Variants in LYPD6B observed in about 807,000 individuals in gnomAD.
LYPD6B encodes LY6/PLAUR domain containing 6B.
Under a neutral mutation model 22.8 loss-of-function variants are expected in LYPD6B, and 17 were observed. The observed-to-expected ratio is 0.75, with a 90% CI of 0.51 to 1.12. The LOEUF is 1.12. Among genes scored for constraint, LYPD6B ranks in the 50% most tolerant of loss-of-function variants. The pLI is 0.00. For synonymous variants in LYPD6B, 106 were observed against 91.6 expected, an observed-to-expected ratio of 1.16 and a Z score of -0.90; for missense variants, 221 against 258.3, an observed-to-expected ratio of 0.86 and a Z score of 0.99.
At chr2:149,187,380 T>C in intron 3 of LYPD6B, 4 of 1,463,964 alleles carry the variant, frequency 2.7e-6, no homozygotes, top group Non-Finnish European at 3.6e-6. Context: ...TGCTCTGCCA[T>C]GGTCCCATGA....
chr2:149,060,220 C>G (rs974376070), intron 1 of LYPD6B, among the ~76,000 whole-genome samples: 2 of 152,178 alleles, frequency 1.3e-5, no homozygotes, highest in Non-Finnish European at 2.9e-5. Flanking sequence ...TTACAAGCAA[C>G]AGCTCCAGGT....
At chr2:149,148,224 A>G (rs951952093) in intron 2 of LYPD6B, among the ~76,000 whole-genome samples, 3 of 152,210 alleles carry the variant, frequency 2.0e-5, no homozygotes, top group Non-Finnish European at 2.9e-5. Flanking sequence ...CTTTTAGGTG[A>G]ACCCTTGCTT....
At chr2:149,203,611 A>C (rs1693313097) in intron 3 of LYPD6B, among the ~76,000 whole-genome samples, 2 of 152,228 alleles carry the variant, frequency 1.3e-5, no homozygotes, top group Admixed American at 6.5e-5. Flanking sequence ...ACCAGGAAAG[A>C]ATTATATATA....
intron 1 of LYPD6B, among the ~76,000 whole-genome samples, chr2:149,053,752 C>G (rs1349176326): frequency 6.6e-6 from 1 of 152,202 alleles, no homozygotes; most frequent in Admixed American, 6.5e-5. Flanking sequence ...CACCTCCCCC[C>G]ATTCCCTGGC....
chr2:149,178,959 A>ACTACCGTCG (rs1691516049), intron 3 of LYPD6B, among the ~76,000 whole-genome samples: 1 of 152,240 alleles, frequency 6.6e-6, no homozygotes, highest in Non-Finnish European at 1.5e-5. Context: ...ATTTCTGTCT[A>ACTACCGTCG]CTACCGTCGT....
At chr2:149,180,712 C>T (rs1378656572) in intron 3 of LYPD6B, among the ~76,000 whole-genome samples, 2 of 152,192 alleles carry the variant, frequency 1.3e-5, no homozygotes, top group Non-Finnish European at 2.9e-5. Context: ...GAGCTGTGTC[C>T]TGATCCTTGA....
At chr2:149,046,819 C>T in intron 1 of LYPD6B, among the ~76,000 whole-genome samples, 1 of 152,054 alleles carries the variant, frequency 6.6e-6, no homozygotes, top group Non-Finnish European at 1.5e-5. Context: ...TTGTTATTAT[C>T]ATTTTTTAAT....
intron 3 of LYPD6B, among the ~76,000 whole-genome samples, chr2:149,180,218 A>G (rs1162495989): frequency 2.0e-5 from 3 of 152,202 alleles, no homozygotes; most frequent in African/African-American, 7.2e-5. Flanking sequence ...TCGAATACAA[A>G]AAGACAGATT....
Position 149,160,815 on chromosome 2 carries a change from A to G in LYPD6B, c.57A>G (p.Thr19=). 6.4e-7 allele frequency: 1 copy of G among 1,554,902 alleles called. No homozygotes were observed. Among genetic ancestry groups the G allele is most frequent in the Non-Finnish European group, 8.7e-7 (1 of 1,148,070 alleles). Reference sequence around the variant, plus strand: ...TCACTGTTCCAGAGAGGAGCCTGACAACCACATTCTCCTTCTCAAGGTAAG... The same window carrying G: ...TCACTGTTCCAGAGAGGAGCCTGACGACCACATTCTCCTTCTCAAGGTAAG... The part of the protein sequence containing the change: ...NLFTVPERSL[T]TTFSFSRYKS... Residue 19 remains threonine, a synonymous_variant, in exon 3 of 7, where the codon ACA becomes ACG. Coordinates refer to ENST00000409642, the MANE Select transcript of LYPD6B (RefSeq NM_177964.5).
intron 3 of LYPD6B, among the ~76,000 whole-genome samples, chr2:149,192,730 G>A (rs936566396): frequency 6.6e-6 from 1 of 152,134 alleles, no homozygotes; most frequent in African/African-American, 2.4e-5. Context: ...TATAGTGAAT[G>A]TGCTAATTTG....
intron 1 of LYPD6B, among the ~76,000 whole-genome samples, chr2:149,087,295 C>T (rs1685445654): frequency 6.6e-6 from 1 of 152,124 alleles, no homozygotes; most frequent in Non-Finnish European, 1.5e-5. Flanking sequence ...GTTAAGGAGT[C>T]ATCTATAATA....
At chr2:149,204,575 C>A (rs1249062288) in intron 3 of LYPD6B, 1 of 154,354 alleles carries the variant, frequency 6.5e-6, no homozygotes, top group Admixed American at 6.5e-5. Context: ...TGGTTGTCAG[C>A]TTTTCAGACA....
At chr2:149,058,706 A>G (rs1463940926) in intron 1 of LYPD6B, among the ~76,000 whole-genome samples, 3 of 151,764 alleles carry the variant, frequency 2.0e-5, no homozygotes, top group Non-Finnish European at 2.9e-5. Context: ...TACAACCTCC[A>G]CCTCCCAGGT....
chr2:149,183,283 T>A (rs144644875), intron 3 of LYPD6B, among the ~76,000 whole-genome samples: 2 of 152,242 alleles, frequency 1.3e-5, no homozygotes, highest in Admixed American at 6.5e-5. Context: ...AGTAGGAGAT[T>A]GCCCAATTCC....
At chr2:149,132,572 C>T (rs1227645386) in intron 2 of LYPD6B, among the ~76,000 whole-genome samples, 7 of 151,940 alleles carry the variant, frequency 4.6e-5, no homozygotes, top group South Asian at 2.1e-4. Flanking sequence ...AGCTACACAC[C>T]GAGAAGGAGA....
At position 149,042,649 on chromosome 2, in the gene LYPD6B, GA is replaced by G. The variant is rs1325486957; in HGVS notation, c.-67+3849del. On this transcript the variant is annotated intron_variant, in intron 1 of 6. Coordinates refer to ENST00000409642, the MANE Select transcript of LYPD6B (RefSeq NM_177964.5). ...ACACTGTTCTAGGTGCTGGGGATTG[GA>G]GCTTACAGTCTACTAGATGGAGACA... Among the ~76,000 whole-genome samples, 3 of 152,260 alleles carry G rather than the reference GA, an allele frequency of 2.0e-5. No homozygotes were observed. In the East Asian group the frequency reaches 5.8e-4, roughly 29 times the overall value.
Position 149,055,603 on chromosome 2 carries a change from C to T in LYPD6B, c.-67+16802C>T, listed in dbSNP as rs145450935. ...CTGCTTACAAGTTATGCACTTCTCT[C>T]GTTAAATTGATTCCTGCTTTATCTT... On this transcript the variant is annotated intron_variant, in intron 1 of 6. Coordinates refer to ENST00000409642, the MANE Select transcript of LYPD6B (RefSeq NM_177964.5). Among the ~76,000 whole-genome samples the T allele has an allele frequency of 3.4e-4, 52 of 152,272 alleles. 1 individual carries two copies. The East Asian group carries it at 9.5e-3, about 28-fold the overall frequency.
At chr2:149,047,453 T>A (rs1178415574) in intron 1 of LYPD6B, among the ~76,000 whole-genome samples, 1 of 152,214 alleles carries the variant, frequency 6.6e-6, no homozygotes, top group Non-Finnish European at 1.5e-5. Context: ...AGAAGTCTTC[T>A]GTAATTCCTA....
intron 1 of LYPD6B, among the ~76,000 whole-genome samples, chr2:149,074,988 T>G (rs1270840471): frequency 2.0e-5 from 3 of 152,208 alleles, no homozygotes; most frequent in African/African-American, 4.8e-5. Flanking sequence ...CAATATAGTG[T>G]GCTCAGTCAG....
Sources: allele counts gnomAD v4.1 joint callset (sites outside exome capture counted in the v4.1 genomes callset), GRCh38; gene constraint gnomAD v4.1.1; transcripts MANE v1.5; gene names NCBI Gene and HGNC (gene_info 2026-07-23, HGNC 2026-07-21).